Variants in HMGCS1 observed in about 807,000 individuals in gnomAD.
HMGCS1 encodes the protein hydroxymethylglutaryl-CoA synthase, cytoplasmic.
Under a neutral mutation model 52.3 loss-of-function variants are expected in HMGCS1, and 9 were observed. The ratio of observed to expected loss-of-function variants is 0.17; its 90% CI spans 0.10 to 0.30. The LOEUF is 0.30. Among genes scored for constraint, HMGCS1 ranks in the 10% least tolerant of loss-of-function variants. The probability of loss-of-function intolerance (pLI) is 1.00; values close to 1 mark genes in which losing one functional copy is unlikely to be tolerated. For synonymous variants in HMGCS1, 176 were observed against 214.4 expected (o/e 0.82, Z 1.57); for missense variants, 320 against 620.9 (o/e 0.52, Z 5.15).
At chr5:43,295,314 A>G (rs1753977046) in intron 6 of HMGCS1, among the ~76,000 whole-genome samples, 2 of 152,214 alleles carry the variant, frequency 1.3e-5, no homozygotes, top group Non-Finnish European at 2.9e-5. Context: ...ACAGGGAGAA[A>G]CAGAACGAGT....
At chr5:43,308,205 A>G (rs1754672806) in intron 1 of HMGCS1, among the ~76,000 whole-genome samples, 1 of 152,248 alleles carries the variant, frequency 6.6e-6, no homozygotes, top group African/African-American at 2.4e-5. Context: ...GCAAATTTCT[A>G]GAGTAAAGAG....
chr5:43,299,080 G>A (rs1405461626), intron 2 of HMGCS1, 105 bp from the exon 3 acceptor site: 13 of 787,252 alleles, frequency 1.7e-5, no homozygotes, highest in Non-Finnish European at 2.2e-5. Flanking sequence ...ATCACCTGAA[G>A]TATTAGTTTC....
At chr5:43,312,119 C>T (rs918095211) in intron 1 of HMGCS1, among the ~76,000 whole-genome samples, 2 of 152,240 alleles carry the variant, frequency 1.3e-5, no homozygotes, top group Admixed American at 6.5e-5. Flanking sequence ...TAACGACTTT[C>T]AACTGCCTCT....
Position 43,287,556 on chromosome 5 carries a change from G to A in HMGCS1, c.*3575C>T, listed in dbSNP as rs1392982366. On this transcript the variant is annotated 3_prime_UTR_variant, in exon 11 of 11. Transcript: ENST00000325110. ...AAACAAAAGAGGAAAGCCAATATAA[G>A]GATGGTTATTGCCAAACCCGCCACA... 6.6e-6 allele frequency: 1 copy of A among 152,168 alleles called. No individual in the cohort carries two copies. The highest frequency in any genetic ancestry group is 1.9e-4 in the East Asian group (1 of 5,196). 9.4% of individuals were successfully genotyped at this position (152,168 alleles called of 1,614,324 possible).
At chr5:43,293,989 A>T in intron 8 of HMGCS1, 67 bp downstream of exon 8, 1 of 1,038,216 alleles carries the variant, frequency 9.6e-7, no homozygotes, top group Non-Finnish European at 1.5e-6. Context: ...TGCTGGGATT[A>T]CGGGTGTGAG....
At chr5:43,307,274 T>C (rs1039916260) in intron 2 of HMGCS1, among the ~76,000 whole-genome samples, 196 of 152,144 alleles carry the variant, frequency 1.3e-3, no homozygotes, top group African/African-American at 4.2e-3. Context: ...GGTTTTACCA[T>C]GTTGGCCAGG....
At chr5:43,296,016 C>T (rs765463075) in intron 5 of HMGCS1, 99 bp from the exon 6 acceptor site, 106 of 792,630 alleles carry the variant, frequency 1.3e-4, no homozygotes, top group Non-Finnish European at 2.0e-4. Flanking sequence ...TATGTTTAAA[C>T]AGCAACCACA....
rs1753611079 is a variant in HMGCS1 at position 43,288,898 on chromosome 5, A to G, written c.*2233T>C. The stretch of plus-strand genomic sequence containing the variant: ...TCTAATCCAAAATTACTGCCAATGC[A>G]GGGATTCCTTCTATAAAACCCCTGG... On this transcript the variant is annotated 3_prime_UTR_variant, in exon 11 of 11. Coordinates refer to ENST00000325110, the MANE Select transcript of HMGCS1 (RefSeq NM_001098272.3). The G allele has an allele frequency of 6.6e-6, 1 of 152,168 alleles. No homozygotes were observed. The highest frequency in any genetic ancestry group is 2.1e-4 in the South Asian group (1 of 4,834). 9.4% of individuals were successfully genotyped at this position (152,168 alleles called of 1,614,324 possible). A position where few individuals can be genotyped will look rare whatever the true frequency, so the allele number is the denominator to read the frequency against.
At chr5:43,291,317 G>A in intron 10 of HMGCS1, 97 bp from the exon 11 acceptor site, 1 of 769,610 alleles carries the variant, frequency 1.3e-6, no homozygotes, top group Non-Finnish European at 2.3e-6. Context: ...CTTAATAAAG[G>A]ACAACTCTGG....
intron 2 of HMGCS1, among the ~76,000 whole-genome samples, chr5:43,303,243 T>G (rs970639210): frequency 2.0e-5 from 3 of 152,282 alleles, no homozygotes; most frequent in Non-Finnish European, 4.4e-5. Context: ...AATTCATATG[T>G]TGAAGCCTTA....
chr5:43,306,984 C>T (rs1252062570), intron 2 of HMGCS1, among the ~76,000 whole-genome samples: 1 of 152,014 alleles, frequency 6.6e-6, no homozygotes, highest in Non-Finnish European at 1.5e-5. Flanking sequence ...AGAAGCACTC[C>T]CTGACAATAT....
At chr5:43,297,628 G>A (rs1474902085) in intron 4 of HMGCS1, among the ~76,000 whole-genome samples, 1 of 151,966 alleles carries the variant, frequency 6.6e-6, no homozygotes, top group Non-Finnish European at 1.5e-5. Context: ...ATCACCTGAG[G>A]TCAGGAATTC....
chr5:43,291,987 C>CTTTTTTTTTTTTTTTTTTTTTTTTTTTT, intron 10 of HMGCS1, among the ~76,000 whole-genome samples: 1 of 83,114 alleles, frequency 1.2e-5, no homozygotes, highest in Non-Finnish European at 2.1e-5. Flanking sequence ...ACTGTATATT[C>CTTTTTTTTTTTTTTTTTTTTTTTTTTTT]TTTTTTTTTT....
chr5:43,294,741 T>C lies in HMGCS1; in HGVS notation c.1026A>G (p.Gly342=), dbSNP rs1753947420. ...CATATACTGAAGATGTGTACATATT[T>C]CCATTTTGATTTGATACAAGTAAAG... ...KASLLVSNQN[G]NMYTSSVYGS... Residue 342 remains glycine, a synonymous_variant, in exon 7 of 11, where the codon GGA becomes GGG. Coordinates refer to ENST00000325110, the MANE Select transcript of HMGCS1 (RefSeq NM_001098272.3). 2 of 1,612,818 alleles carry C rather than the reference T, an allele frequency of 1.2e-6. No individual in the cohort carries two copies. The highest frequency in any genetic ancestry group is 1.7e-6 in the Non-Finnish European group (2 of 1,179,078).
In HMGCS1 at chr5:43,290,092, C is replaced by CAAAAAA. The variant is rs879117446; in HGVS notation, c.*1033_*1038dup. ...TACCTTATTTTCATTGAACAGATAC[C>CAAAAAA]AAAAAAAAAAAAAAAAGGAAAAGGA... On this transcript the variant is annotated 3_prime_UTR_variant, in exon 11 of 11. Coordinates refer to ENST00000325110, the MANE Select transcript of HMGCS1 (RefSeq NM_001098272.3). The CAAAAAA allele has an allele frequency of 1.0e-5, 1 of 96,752 alleles. No homozygotes were observed. The highest frequency in any genetic ancestry group is 3.7e-5 in the African/African-American group (1 of 26,958). The allele number at this position is 96,752 out of a possible 1,614,324, so 6.0% of individuals were successfully genotyped here.
intron 1 of HMGCS1, among the ~76,000 whole-genome samples, chr5:43,310,381 A>G (rs1007273326): frequency 4.6e-5 from 7 of 152,218 alleles, no homozygotes; most frequent in Non-Finnish European, 1.0e-4. Context: ...ACCCAAGTCT[A>G]CATAGCCTAC....
rs1753665167 is a variant in HMGCS1 at position 43,289,932 on chromosome 5, A to G, written c.*1199T>C. ...TCATAGTTCAGCACCAAAAAGATCT[A>G]CACAAAACTGTTTAACCAATCTTCT... On this transcript the variant is annotated 3_prime_UTR_variant, in exon 11 of 11. Coordinates refer to ENST00000325110, the MANE Select transcript of HMGCS1 (RefSeq NM_001098272.3). 1 of 152,634 alleles carries G rather than the reference A, an allele frequency of 6.6e-6. No individual in the cohort carries two copies. The highest frequency in any genetic ancestry group is 2.1e-4 in the South Asian group (1 of 4,836). The allele number at this position is 152,634 out of a possible 1,614,324, so 9.5% of individuals were successfully genotyped here.
rs1316619736 is a variant in HMGCS1, at chr5:43,292,466, T to C, written c.1473+8A>G. The C allele has an allele frequency of 6.2e-7, 1 of 1,612,418 alleles. No individual in the cohort carries two copies. Among genetic ancestry groups the C allele is most frequent in the Non-Finnish European group, 8.5e-7 (1 of 1,178,658 alleles). On this transcript the variant is annotated splice_region_variant and intron_variant, in intron 10 of 10. Transcript: ENST00000325110. ...CTAAGATATGGAGATGGGAACTCTT[T>C]TATTTACCTCAGTTGCTATGTTTGA...
chr5:43,291,157 C>G lies in HMGCS1; in HGVS notation c.1537G>C (p.Ala513Pro). The part of the protein sequence containing the change: ...LPATAAEPEA[A>P]VISNGEH Reference sequence around the variant, plus strand: ...TAATGTTCCCCATTACTAATGACAGCTGCTTCAGGTTCTGCTGCTGTGGCA... The same window carrying G: ...TAATGTTCCCCATTACTAATGACAGGTGCTTCAGGTTCTGCTGCTGTGGCA... Residue 513 changes from alanine (A) to proline (P), a missense_variant, in exon 11 of 11, where the codon GCT (alanine) becomes CCT (proline). By Grantham distance (27) the Ala-to-Pro change is conservative. Coordinates refer to ENST00000325110, the MANE Select transcript of HMGCS1 (RefSeq NM_001098272.3). 6.2e-7 allele frequency: 1 copy of G among 1,610,334 alleles called. No individual in the cohort carries two copies. Among genetic ancestry groups the G allele is most frequent in the Admixed American group, 1.7e-5 (1 of 59,852 alleles).
Sources: gnomAD v4.1 joint callset for allele counts (sites outside exome capture counted in the v4.1 genomes callset) on GRCh38, gnomAD v4.1.1 for gene constraint, MANE v1.5 for transcripts, NCBI Gene and HGNC (gene_info 2026-07-23, HGNC 2026-07-21) for gene names.